Variants in NKAIN2 observed in about 807,000 individuals in gnomAD.
NKAIN2 encodes sodium/potassium transporting ATPase interacting 2.
In NKAIN2, 14 loss-of-function variants were observed where a neutral mutation model predicts 32.6. The ratio of observed to expected loss-of-function variants is 0.43; its 90% CI spans 0.28 to 0.67. The LOEUF (loss-of-function observed/expected upper bound fraction) is 0.67. NKAIN2 is among the 30% of genes least tolerant of loss of function. NKAIN2 has a pLI of 0.17. For synonymous variants in NKAIN2, 80 were observed against 87.2 expected (o/e 0.92, Z 0.46); for missense variants, 198 against 258.3 (o/e 0.77, Z 1.60).
At chr6:124,135,511 A>G (rs1786724182) in intron 1 of NKAIN2, among the ~76,000 whole-genome samples, 1 of 66,292 alleles carries the variant, frequency 1.5e-5, no homozygotes. Context: ...TAAAGCAACG[A>G]TAGTAAAAAA....
At chr6:124,781,293 T>C (rs1213214852) in intron 4 of NKAIN2, among the ~76,000 whole-genome samples, 1 of 152,132 alleles carries the variant, frequency 6.6e-6, no homozygotes, top group African/African-American at 2.4e-5. Context: ...TCTCTAAGCC[T>C]CAGTTTTTTC....
At chr6:124,443,483 T>C (rs1021338552) in intron 3 of NKAIN2, among the ~76,000 whole-genome samples, 3 of 152,134 alleles carry the variant, frequency 2.0e-5, no homozygotes, top group Non-Finnish European at 4.4e-5. Flanking sequence ...ATGTCTGGTA[T>C]AATGGTTGCA....
chr6:124,410,713 C>T (rs551603170), intron 3 of NKAIN2, among the ~76,000 whole-genome samples: 9 of 152,136 alleles, frequency 5.9e-5, no homozygotes, highest in South Asian at 4.2e-4. Flanking sequence ...CTATTAGGTC[C>T]GCTTGGTGCA....
intron 1 of NKAIN2, among the ~76,000 whole-genome samples, chr6:124,051,969 A>G (rs527574624): frequency 1.3e-5 from 2 of 152,202 alleles, no homozygotes; most frequent in Admixed American, 6.6e-5. Flanking sequence ...TACCTCCTAC[A>G]GACTGCCTGG....
intron 2 of NKAIN2, among the ~76,000 whole-genome samples, chr6:124,346,930 CA>C (rs1256285769): frequency 6.6e-6 from 1 of 152,092 alleles, no homozygotes; most frequent in African/African-American, 2.4e-5. Context: ...TTCCTAGTCT[CA>C]ATGGTCTTTA....
At position 124,249,869 on chromosome 6, in the gene NKAIN2, G is replaced by A. The variant is rs551012821; in HGVS notation, c.55-33136G>A. Among the ~76,000 whole-genome samples, 5 of 152,220 alleles carry A rather than the reference G, an allele frequency of 3.3e-5. No homozygotes were observed. In the East Asian group the frequency reaches 9.7e-4, roughly 29 times the overall value. On this transcript the variant is annotated intron_variant, in intron 1 of 6. Coordinates refer to ENST00000368417, the MANE Select transcript of NKAIN2 (RefSeq NM_001040214.3). ...CTCAACAAAAAGCTGGATTTTCAAA[G>A]GACTGTAGCCTATATAAAGGTGAAT...
chr6:124,167,701 C>A (rs1303148152), intron 1 of NKAIN2, among the ~76,000 whole-genome samples: 1 of 152,080 alleles, frequency 6.6e-6, no homozygotes, highest in Admixed American at 6.6e-5. Flanking sequence ...CCATCAGTAC[C>A]TAATTTATTG....
At chr6:124,574,797 AT>A (rs1273666805) in intron 3 of NKAIN2, among the ~76,000 whole-genome samples, 1 of 152,162 alleles carries the variant, frequency 6.6e-6, no homozygotes, top group African/African-American at 2.4e-5. Context: ...TTGAACACTT[AT>A]CCCCACTAAT....
At chr6:124,142,764 A>G (rs1787207730) in intron 1 of NKAIN2, among the ~76,000 whole-genome samples, 1 of 152,236 alleles carries the variant, frequency 6.6e-6, no homozygotes, top group African/African-American at 2.4e-5. Context: ...TTCTAGTTAT[A>G]GCAGATCTTA....
chr6:124,561,330 T>C (rs569125411), intron 3 of NKAIN2, among the ~76,000 whole-genome samples: 5 of 152,316 alleles, frequency 3.3e-5, no homozygotes, highest in South Asian at 2.1e-4. Flanking sequence ...ATCATCTCTT[T>C]CCCATGACAT....
chr6:124,205,001 T>C (rs891529093), intron 1 of NKAIN2, among the ~76,000 whole-genome samples: 1 of 151,306 alleles, frequency 6.6e-6, no homozygotes, highest in East Asian at 1.9e-4. Context: ...AAAAAGCCTA[T>C]ATATCAAATT....
At chr6:124,682,653 A>G (rs969349181) in intron 4 of NKAIN2, among the ~76,000 whole-genome samples, 22 of 152,276 alleles carry the variant, frequency 1.4e-4, no homozygotes, top group Admixed American at 1.2e-3. Context: ...ATACAAACAA[A>G]ATGTGCTGAA....
intron 1 of NKAIN2, among the ~76,000 whole-genome samples, chr6:124,243,927 G>T (rs192278655): frequency 8.8e-4 from 134 of 151,774 alleles, no homozygotes; most frequent in Middle Eastern, 3.4e-3. Flanking sequence ...ATATCTTGTT[G>T]TTTATAATGA....
chr6:123,937,837 T>G (rs560041917), intron 1 of NKAIN2, among the ~76,000 whole-genome samples: 2 of 152,076 alleles, frequency 1.3e-5, no homozygotes, highest in Admixed American at 1.3e-4. Flanking sequence ...TTTCCTCAAT[T>G]TCACAGCCTT....
chr6:124,289,675 A>G (rs1795713739), intron 2 of NKAIN2, among the ~76,000 whole-genome samples: 1 of 152,192 alleles, frequency 6.6e-6, no homozygotes, highest in African/African-American at 2.4e-5. Context: ...TCAGGTCTCC[A>G]TAGAGACTAT....
chr6:124,809,982 C>T (rs1157104913), intron 5 of NKAIN2, among the ~76,000 whole-genome samples: 1 of 152,142 alleles, frequency 6.6e-6, no homozygotes, highest in Non-Finnish European at 1.5e-5. Context: ...AGTCAGGAAA[C>T]AACAGGTGCT....
intron 1 of NKAIN2, among the ~76,000 whole-genome samples, chr6:124,247,247 G>C (rs888216004): frequency 3.3e-5 from 5 of 152,094 alleles, no homozygotes; most frequent in Non-Finnish European, 5.9e-5. Flanking sequence ...TGCCACCCCT[G>C]TGATGTTTCT....
intron 3 of NKAIN2, among the ~76,000 whole-genome samples, chr6:124,528,497 A>G (rs946929845): frequency 1.3e-5 from 2 of 152,194 alleles, no homozygotes; most frequent in Admixed American, 1.3e-4. Flanking sequence ...ATTGACTGTC[A>G]TTGGATCATT....
At chr6:124,561,017 G>A (rs1261010281) in intron 3 of NKAIN2, among the ~76,000 whole-genome samples, 1 of 152,120 alleles carries the variant, frequency 6.6e-6, no homozygotes, top group Non-Finnish European at 1.5e-5. Context: ...AGGAATTTCT[G>A]GGCAGGTCAC....
Sources: gnomAD v4.1 joint callset for allele counts (sites outside exome capture counted in the v4.1 genomes callset) on GRCh38, gnomAD v4.1.1 for gene constraint, MANE v1.5 for transcripts, NCBI Gene and HGNC (gene_info 2026-07-23, HGNC 2026-07-21) for gene names.